Variants in ACTN1 observed in about 807,000 individuals in gnomAD.
The protein encoded by ACTN1 is actinin alpha 1.
ACTN1 carries 30 observed loss-of-function variants against 119.6 expected under a neutral mutation model. The observed-to-expected ratio is 0.25, with a 90% CI of 0.19 to 0.34. The LOEUF is 0.34. ACTN1 is among the 10% of genes least tolerant of loss of function. The pLI is 1.00. For synonymous variants in ACTN1, 429 were observed against 472.6 expected, an observed-to-expected ratio of 0.91 and a Z score of 1.20; for missense variants, 764 against 1,223.4, an observed-to-expected ratio of 0.62 and a Z score of 5.60.
At chr14:68,936,610 C>G (rs1234087496) in intron 1 of ACTN1, 1 of 581,658 alleles carries the variant, frequency 1.7e-6, no homozygotes, top group Non-Finnish European at 3.3e-6. Context: ...AGATGACAAC[C>G]TTCCAAAAGC....
At chr14:68,877,039 G>A in intron 21 of ACTN1, 43 bp downstream of exon 21, 1 of 1,608,632 alleles carries the variant, frequency 6.2e-7, no homozygotes, top group Non-Finnish European at 8.5e-7. Flanking sequence ...AGTCCAGCCA[G>A]TGCCTGCCAC....
chr14:68,959,160 A>C (rs1267163895), intron 1 of ACTN1, among the ~76,000 whole-genome samples: 1 of 152,188 alleles, frequency 6.6e-6, no homozygotes, highest in African/African-American at 2.4e-5. Flanking sequence ...CTGTCAAACA[A>C]CTGCCACGAC....
chr14:68,970,669 C>T (rs1187978271), intron 1 of ACTN1, among the ~76,000 whole-genome samples: 3 of 152,224 alleles, frequency 2.0e-5, no homozygotes, highest in South Asian at 2.1e-4. Context: ...CCACCAGGAA[C>T]GTGGGACTGG....
chr14:68,937,954 G>A (rs1334750178), intron 1 of ACTN1, among the ~76,000 whole-genome samples: 1 of 152,246 alleles, frequency 6.6e-6, no homozygotes, highest in Non-Finnish European at 1.5e-5. Flanking sequence ...ACGTTACTGA[G>A]GTGCAGCCAG....
chr14:68,929,678 C>T (rs547298149), intron 1 of ACTN1, among the ~76,000 whole-genome samples: 2 of 152,252 alleles, frequency 1.3e-5, no homozygotes, highest in Admixed American at 6.5e-5. Context: ...GGGATGTTCC[C>T]GCAGAGCAGC....
intron 1 of ACTN1, among the ~76,000 whole-genome samples, chr14:68,939,940 G>A (rs1000991298): frequency 6.6e-6 from 1 of 152,168 alleles, no homozygotes; most frequent in Admixed American, 6.5e-5. Flanking sequence ...GAGCCCTCTC[G>A]GGGGACTGAT....
In ACTN1 at chr14:68,979,265, C is replaced by T; in HGVS notation, c.-209G>A. ...GCGGCTGGGCTCGCGGACTGCCTGC[C>T]TCTGGGCGGGCGCTTGGACCTAATC... On this transcript the variant is annotated 5_prime_UTR_variant, in exon 1 of 22. Transcript: ENST00000394419. The T allele has an allele frequency of 4.9e-6, 2 of 405,168 alleles. No homozygotes were observed. The highest frequency in any genetic ancestry group is 8.7e-6 in the Non-Finnish European group (2 of 230,372). The allele number at this position is 405,168 out of a possible 1,614,324, so 25.1% of individuals were successfully genotyped here.
At chr14:68,888,907 CCAA>C (rs35685824) in intron 11 of ACTN1, among the ~76,000 whole-genome samples, 3 of 152,198 alleles carry the variant, frequency 2.0e-5, no homozygotes, top group Non-Finnish European at 4.4e-5. Context: ...GTCCCCGGTA[CCAA>C]CAAGGCTGGG....
At chr14:68,950,945 G>A (rs2036141086) in intron 1 of ACTN1, among the ~76,000 whole-genome samples, 1 of 152,126 alleles carries the variant, frequency 6.6e-6, no homozygotes, top group African/African-American at 2.4e-5. Flanking sequence ...GATTCAGGAG[G>A]GTGTTTAAGA....
At chr14:68,901,213 TTTTG>T (rs909826129) in intron 8 of ACTN1, among the ~76,000 whole-genome samples, 9 of 143,326 alleles carry the variant, frequency 6.3e-5, no homozygotes, top group African/African-American at 1.0e-4. Flanking sequence ...TATGGTTTTT[TTTTG>T]TTTTTTTTTT....
rs2033622667 is a variant in ACTN1 at position 68,905,711 on chromosome 14, G to GCCGGGTGCAGTGT, written c.595-976_595-975insACACTGCACCCGG. 2.6e-5 allele frequency among the ~76,000 whole-genome samples: 4 copies of GCCGGGTGCAGTGT among 152,220 alleles called. No homozygotes were observed. In the South Asian group the frequency reaches 8.3e-4, roughly 32 times the overall value. ...ATAAGCCAGACACAAAAGGACACAGGCCGGGTGCAGTGGCTCACGTGTGTA... is the reference window on the plus strand; with the variant it reads ...ATAAGCCAGACACAAAAGGACACAGGCCGGGTGCAGTGTCCGGGTGCAGTGGCTCACGTGTGTA... On this transcript the variant is annotated intron_variant, in intron 6 of 21. Transcript: ENST00000394419.
In ACTN1 at chr14:68,890,290, T is replaced by C. The variant is rs2032378134; in HGVS notation, c.1087-4A>G. 1 of 1,613,972 alleles carries C rather than the reference T, an allele frequency of 6.2e-7. No individual in the cohort carries two copies. The highest frequency in any genetic ancestry group is 1.3e-5 in the African/African-American group (1 of 74,916). ...AGCCCCAGGCATTGTTGATGTCCTG[T>C]GGGGATGGGAGGTACAGGGTCAGGG... On this transcript the variant is annotated splice_polypyrimidine_tract_variant and splice_region_variant and intron_variant, in intron 10 of 21. Coordinates refer to ENST00000394419, the MANE Select transcript of ACTN1 (RefSeq NM_001130004.2).
In ACTN1 at chr14:68,874,859, T is replaced by A; in HGVS notation, c.2745A>T (p.Ter915TyrextTer37). 1 of 1,576,756 alleles carries A rather than the reference T, an allele frequency of 6.3e-7. No individual in the cohort carries two copies. The highest frequency in any genetic ancestry group is 8.7e-7 in the Non-Finnish European group (1 of 1,154,108). Residue 915 changes from the stop codon to tyrosine, a stop_lost, in exon 22 of 22, where the codon TAA becomes TAT. Transcript: ENST00000394419. ...GACGAGGGCGGCCGGGCGGGGTGGA[T>A]TAGAGGTCACTCTCGCCGTACAGCG... ...STALYGESDL[*>Y] is the part of the protein sequence containing the mutation.
chr14:68,947,919 G>C (rs546795455), intron 1 of ACTN1, among the ~76,000 whole-genome samples: 39 of 152,194 alleles, frequency 2.6e-4, no homozygotes, highest in Non-Finnish European at 4.9e-4. Flanking sequence ...GGTGTATCTG[G>C]AATGAAGCCC....
chr14:68,943,867 C>A (rs575990982), intron 1 of ACTN1, among the ~76,000 whole-genome samples: 1 of 152,360 alleles, frequency 6.6e-6, no homozygotes, highest in Non-Finnish European at 1.5e-5. Context: ...CGGTCAAAGC[C>A]TGAGCCTGCT....
chr14:68,958,496 A>G (rs551175049), intron 1 of ACTN1, among the ~76,000 whole-genome samples: 1 of 152,200 alleles, frequency 6.6e-6, no homozygotes, highest in South Asian at 2.1e-4. Context: ...ATTTTCCACA[A>G]TAAATATTAC....
intron 1 of ACTN1, among the ~76,000 whole-genome samples, chr14:68,959,365 T>C (rs1425951985): frequency 6.6e-6 from 1 of 152,244 alleles, no homozygotes; most frequent in Admixed American, 6.5e-5. Flanking sequence ...AAAGTTTCTG[T>C]GTGTTCCATG....
At chr14:68,968,980 T>C (rs2036792750) in intron 1 of ACTN1, among the ~76,000 whole-genome samples, 1 of 152,126 alleles carries the variant, frequency 6.6e-6, no homozygotes, top group Non-Finnish European at 1.5e-5. Flanking sequence ...CAGTGGCTTC[T>C]GGGGAAAAGG....
rs743127 is a variant in ACTN1, at chr14:68,909,762, A to C, written c.515+193T>G. On this transcript the variant is annotated intron_variant, in intron 5 of 21. Coordinates refer to ENST00000394419, the MANE Select transcript of ACTN1 (RefSeq NM_001130004.2). This position sits in a 1 kb window ranked among gnomAD's most constrained non-coding sequence, Gnocchi z 4.1. ...CAAAGTTATATCAGGCAGCAGCCCC[A>C]TCTAAGACACTGCAGGGAGAGAGAC... Among the ~76,000 whole-genome samples the C allele has an allele frequency of 6.6e-6, 1 of 151,982 alleles. No individual in the cohort carries two copies. Among genetic ancestry groups the C allele is most frequent in the African/African-American group, 2.4e-5 (1 of 41,362 alleles).
Sources: gnomAD v4.1 joint callset for allele counts (sites outside exome capture counted in the v4.1 genomes callset) on GRCh38, gnomAD v4.1.1 for gene constraint, Gnocchi (gnomAD v3.1) non-coding constraint, MANE v1.5 for transcripts, NCBI Gene and HGNC (gene_info 2026-07-23, HGNC 2026-07-21) for gene names.